Variants in OR8B2 observed in about 807,000 individuals in gnomAD.
OR8B2 encodes olfactory receptor family 8 subfamily B member 2.
For missense variants in OR8B2, 304 were observed against 379.6 expected (o/e 0.80, Z 1.65); for synonymous variants, 98 against 138.2 (o/e 0.71, Z 2.04).
the OR8B2 span, chr11:124,396,222 TA>T: frequency 1.7e-6 from 1 of 576,034 alleles, no homozygotes; most frequent in Non-Finnish European, 3.0e-6. Context: ...ACCTATTTAG[TA>T]AAATTGTGAG....
chr11:124,393,553 C>T, the OR8B2 span, among the ~76,000 whole-genome samples: 13 of 143,812 alleles, frequency 9.0e-5, 1 homozygote, highest in African/African-American at 1.9e-4. Context: ...CAAATCAAAA[C>T]CACAATGAGA....
At chr11:124,390,505 T>G in the OR8B2 span, among the ~76,000 whole-genome samples, 1 of 152,150 alleles carries the variant, frequency 6.6e-6, no homozygotes, top group East Asian at 1.9e-4. Flanking sequence ...TAAGAAAGTT[T>G]ACGAATTTGT....
At chr11:124,386,869 C>T (rs547279483), upstream of OR8B2, among the ~76,000 whole-genome samples, 28 of 150,310 alleles carry the variant, frequency 1.9e-4, no homozygotes, top group African/African-American at 6.6e-4. Context: ...TTTACAGTCC[C>T]ACCAACAGTG....
Position 124,382,587 on chromosome 11 carries a change from C to CA in OR8B2, c.756dup (p.Gly253TrpfsTer9), listed in dbSNP as rs1860610410. ...TTAATATACATGAATGCCGCTGACC[C>CA]AAAAAACAGAGACAGAGCAATGACA... On this transcript the variant is annotated frameshift_variant, in exon 2 of 2. Coordinates refer to ENST00000641451, the MANE Select transcript of OR8B2 (RefSeq NM_001005468.2). LOFTEE classifies it low-confidence loss of function (END_TRUNC). The CA allele has an allele frequency of 6.2e-7, 1 of 1,610,832 alleles. No homozygotes were observed. The highest frequency in any genetic ancestry group is 1.3e-5 in the African/African-American group (1 of 74,486).
the OR8B2 span, among the ~76,000 whole-genome samples, chr11:124,390,290 C>A: frequency 6.6e-6 from 1 of 152,158 alleles, no homozygotes; most frequent in African/African-American, 2.4e-5. Context: ...ATTCACTATA[C>A]TTCTAAGAGA....
chr11:124,397,101 T>G, the OR8B2 span: 1 of 1,613,752 alleles, frequency 6.2e-7, no homozygotes, highest in Non-Finnish European at 8.5e-7. Context: ...TGATACAAAG[T>G]TCATTAGCAT....
chr11:124,388,862 C>G (rs1049295332), upstream of OR8B2, among the ~76,000 whole-genome samples: 1 of 144,922 alleles, frequency 6.9e-6, no homozygotes, highest in South Asian at 2.2e-4. Context: ...GAGTCTCGCT[C>G]TGTCTCCAGG....
the OR8B2 span, chr11:124,396,780 C>G: frequency 3.7e-6 from 6 of 1,613,316 alleles, no homozygotes; most frequent in Non-Finnish European, 5.1e-6. Flanking sequence ...GACATAGGTG[C>G]TGGTGCAGGA....
chr11:124,386,421 C>G (rs1231293749), upstream of OR8B2, among the ~76,000 whole-genome samples: 3 of 115,708 alleles, frequency 2.6e-5, no homozygotes, highest in African/African-American at 1.0e-4. Context: ...CCCCACCCCA[C>G]AACAGTCCCC....
upstream of OR8B2, among the ~76,000 whole-genome samples, chr11:124,389,102 G>T (rs1860745246): frequency 6.6e-6 from 1 of 152,092 alleles, no homozygotes; most frequent in African/African-American, 2.4e-5. Context: ...GGGATTATAG[G>T]TATAAGCCAC....
At chr11:124,390,050 G>A in the OR8B2 span, among the ~76,000 whole-genome samples, 2 of 152,234 alleles carry the variant, frequency 1.3e-5, no homozygotes, top group African/African-American at 4.8e-5. Flanking sequence ...TAGGATTGGC[G>A]CTTGAATTAA....
upstream of OR8B2, among the ~76,000 whole-genome samples, chr11:124,385,957 T>A (rs1461883645): frequency 1.3e-5 from 2 of 152,068 alleles, no homozygotes; most frequent in African/African-American, 2.4e-5. Flanking sequence ...TAAACAGACT[T>A]TTAAGCATTC....
chr11:124,387,691 G>A (rs532895125), upstream of OR8B2, among the ~76,000 whole-genome samples: 22 of 145,374 alleles, frequency 1.5e-4, 1 homozygote, highest in East Asian at 2.2e-3. Flanking sequence ...GTCAGGTAGC[G>A]TGATGCCTCC....
At chr11:124,395,028 A>T in the OR8B2 span, among the ~76,000 whole-genome samples, 1 of 152,186 alleles carries the variant, frequency 6.6e-6, no homozygotes, top group Non-Finnish European at 1.5e-5. Context: ...TTTAAAAAGT[A>T]GGGAGGCATG....
At chr11:124,390,725 A>T in the OR8B2 span, among the ~76,000 whole-genome samples, 1 of 151,392 alleles carries the variant, frequency 6.6e-6, no homozygotes, top group African/African-American at 2.4e-5. Context: ...AACTTTTCTG[A>T]TAAATAGATA....
At chr11:124,383,491 G>A (rs1860644673) in intron 1 of OR8B2, 131 bp from the exon 2 acceptor site, 5 of 803,870 alleles carry the variant, frequency 6.2e-6, no homozygotes, top group South Asian at 3.7e-5. Context: ...TGTACTGAAT[G>A]TACTGCCACT....
upstream of OR8B2, among the ~76,000 whole-genome samples, chr11:124,386,897 C>T (rs1299283148): frequency 5.3e-5 from 8 of 152,026 alleles, no homozygotes; most frequent in African/African-American, 1.5e-4. Context: ...GTTCCTATTT[C>T]TCCACATCCT....
chr11:124,387,711 C>T (rs998884003), upstream of OR8B2, among the ~76,000 whole-genome samples: 1 of 142,552 alleles, frequency 7.0e-6, no homozygotes, highest in African/African-American at 2.6e-5. Context: ...CAGCTTTGTT[C>T]TTTTGGCTTA....
At chr11:124,390,236 A>G in the OR8B2 span, among the ~76,000 whole-genome samples, 1 of 152,152 alleles carries the variant, frequency 6.6e-6, no homozygotes, top group Non-Finnish European at 1.5e-5. Context: ...CAGGCAATGC[A>G]ATGAGGGGGG....
Sources: allele counts gnomAD v4.1 joint callset (sites outside exome capture counted in the v4.1 genomes callset), GRCh38; gene constraint gnomAD v4.1.1; transcripts MANE v1.5; gene names NCBI Gene and HGNC (gene_info 2026-07-23, HGNC 2026-07-21).